PTPRZ1: variants seen among roughly 807,000 people sequenced by gnomAD.
PTPRZ1 encodes receptor-type tyrosine-protein phosphatase zeta.
Under a neutral mutation model 214.1 loss-of-function variants are expected in PTPRZ1, and 82 were observed. The ratio of observed to expected loss-of-function variants is 0.38; its 90% CI spans 0.32 to 0.46. The LOEUF (loss-of-function observed/expected upper bound fraction) is 0.46. Among genes scored for constraint, PTPRZ1 ranks in the 20% least tolerant of loss-of-function variants. The pLI, the probability that PTPRZ1 is intolerant of heterozygous loss-of-function variation, is 1.00. For synonymous variants in PTPRZ1, 945 were observed against 987.9 expected, an observed-to-expected ratio of 0.96 and a Z score of 0.81; for missense variants, 2,603 against 2,748.7, an observed-to-expected ratio of 0.95 and a Z score of 1.19.
At chr7:121,957,077 G>C (rs1432504803) in intron 2 of PTPRZ1, among the ~76,000 whole-genome samples, 4 of 152,186 alleles carry the variant, frequency 2.6e-5, no homozygotes, top group African/African-American at 7.2e-5. Context: ...GGCATTTCCA[G>C]CACCTTCAGC....
At chr7:121,947,559 T>G (rs181475067) in intron 2 of PTPRZ1, among the ~76,000 whole-genome samples, 164 of 152,316 alleles carry the variant, frequency 1.1e-3, no homozygotes, top group African/African-American at 3.7e-3. Context: ...AGTAATTCTA[T>G]ATCCAGTTTA....
At position 122,013,595 on chromosome 7, in the gene PTPRZ1, G is replaced by T. The variant is rs1798749903; in HGVS notation, c.4549G>T (p.Asp1517Tyr). The T allele has an allele frequency of 1.2e-6, 2 of 1,614,038 alleles. No homozygotes were observed. The highest frequency in any genetic ancestry group is 2.7e-5 in the African/African-American group (2 of 74,928). The change falls in exon 12 of 30, where the codon GAT becomes TAT. Residue 1517 changes from aspartate (D) to tyrosine (Y), a missense_variant. Asp to Tyr is a radical substitution (Grantham distance 160). This residue lies in a region of PTPRZ1 where 1,913 missense variants were observed against 1,914.3 expected (regional missense o/e 1.00). Transcript: ENST00000393386. ...SANGLSQKHN[D>Y]GKEENDIQTG... The stretch of plus-strand genomic sequence containing the variant: ...AAATGGGCTATCCCAAAAGCACAAT[G>T]ATGGAAAAGAGGAAAATGACATTCA...
chr7:122,013,318 T>C lies in PTPRZ1; in HGVS notation c.4272T>C (p.Asp1424=). The part of the protein sequence containing the change: ...GGGEDGDTDD[D]GDDDDDDRGS... ...GTGAAGATGGTGACACTGATGATGA[T>C]GGTGATGATGATGATGATGACAGAG... Residue 1424 remains aspartate (D), a synonymous_variant, in exon 12 of 30, where the codon GAT becomes GAC. Coordinates refer to ENST00000393386, the MANE Select transcript of PTPRZ1 (RefSeq NM_002851.3). The C allele has an allele frequency of 6.3e-7, 1 of 1,582,610 alleles. No individual in the cohort carries two copies. Among genetic ancestry groups the C allele is most frequent in the Non-Finnish European group, 8.6e-7 (1 of 1,168,662 alleles).
At position 122,061,281 on chromosome 7, in the gene PTPRZ1, A is replaced by G. The variant is rs994710798; in HGVS notation, c.*61A>G. 17 of 1,415,300 alleles carry G rather than the reference A, an allele frequency of 1.2e-5. No homozygotes were observed. In the African/African-American group the frequency reaches 2.4e-4, roughly 20 times the overall value. The allele number at this position is 1,415,300 out of a possible 1,614,324, so 87.7% of individuals were successfully genotyped here. ...TGTTTTCCTCTTCCTAAAATTAGGC[A>G]GGAAAATCAGTCTAGTTCTGTTATC... On this transcript the variant is annotated 3_prime_UTR_variant, in exon 30 of 30. Coordinates refer to ENST00000393386, the MANE Select transcript of PTPRZ1 (RefSeq NM_002851.3).
chr7:122,034,672 T>C (rs1799484484), intron 17 of PTPRZ1, among the ~76,000 whole-genome samples: 1 of 152,214 alleles, frequency 6.6e-6, no homozygotes, highest in African/African-American at 2.4e-5. Flanking sequence ...GTGGTTTTTG[T>C]CATTATTTAT....
intron 1 of PTPRZ1, chr7:121,908,409 C>T: frequency 5.4e-6 from 2 of 371,898 alleles, no homozygotes; most frequent in South Asian, 2.1e-5. Flanking sequence ...TAATTTTATC[C>T]TATTTTTTCT....
chr7:121,928,201 A>G lies in PTPRZ1; in HGVS notation c.104A>G (p.Glu35Gly), dbSNP rs777658834. The change falls in exon 2 of 30, where the codon GAG (glutamate) becomes GGG (glycine). Residue 35 changes from glutamate (E) to glycine (G), a missense_variant. Physicochemically the swap from Glu to Gly is moderately conservative, Grantham distance 98. Coordinates refer to ENST00000393386, the MANE Select transcript of PTPRZ1 (RefSeq NM_002851.3). ...YYRQQRKLVE[E>G]IGWSYTGALN... ...AGACAACAGAGAAAACTTGTTGAAG[A>G]GATTGGCTGGTCCTATACAGGTAAA... 1 of 1,612,284 alleles carries G rather than the reference A, an allele frequency of 6.2e-7. No homozygotes were observed. The highest frequency in any genetic ancestry group is 8.5e-7 in the Non-Finnish European group (1 of 1,178,650).
intron 2 of PTPRZ1, among the ~76,000 whole-genome samples, chr7:121,950,709 G>A (rs1488602818): frequency 3.9e-5 from 6 of 152,168 alleles, no homozygotes; most frequent in African/African-American, 1.4e-4. Flanking sequence ...TGTAATTCTC[G>A]TTGCATTGAT....
chr7:121,947,010 T>G (rs528046375), intron 2 of PTPRZ1, among the ~76,000 whole-genome samples: 1 of 152,276 alleles, frequency 6.6e-6, no homozygotes, highest in South Asian at 2.1e-4. Flanking sequence ...AATGGAAACT[T>G]ATTCCCTAAA....
At chr7:121,990,068 A>C (rs982956330) in intron 8 of PTPRZ1, among the ~76,000 whole-genome samples, 2 of 152,098 alleles carry the variant, frequency 1.3e-5, no homozygotes, top group African/African-American at 4.8e-5. Flanking sequence ...ACTGTATATT[A>C]AACCTTAACC....
At chr7:121,964,809 CT>C (rs1796994976) in intron 2 of PTPRZ1, among the ~76,000 whole-genome samples, 1 of 152,158 alleles carries the variant, frequency 6.6e-6, no homozygotes, top group South Asian at 2.1e-4. Flanking sequence ...TCATTTGAGC[CT>C]TACAGACATC....
At chr7:122,003,175 TTC>T (rs1798379324) in intron 10 of PTPRZ1, among the ~76,000 whole-genome samples, 1 of 152,136 alleles carries the variant, frequency 6.6e-6, no homozygotes, top group Admixed American at 6.5e-5. Context: ...AGGAAAGGAT[TTC>T]ATAGGAAGAG....
At chr7:122,019,953 A>G (rs1798966476) in intron 13 of PTPRZ1, among the ~76,000 whole-genome samples, 1 of 152,200 alleles carries the variant, frequency 6.6e-6, no homozygotes, top group South Asian at 2.1e-4. Context: ...GGTCAGTATA[A>G]CTGTGTCTGT....
intron 2 of PTPRZ1, among the ~76,000 whole-genome samples, chr7:121,936,416 T>C (rs1310685103): frequency 1.3e-5 from 2 of 152,212 alleles, no homozygotes; most frequent in African/African-American, 4.8e-5. Flanking sequence ...ATGTGACAAC[T>C]AAAGAATAAA....
At chr7:122,007,189 T>C (rs1798518682) in intron 11 of PTPRZ1, among the ~76,000 whole-genome samples, 1 of 152,126 alleles carries the variant, frequency 6.6e-6, no homozygotes, top group African/African-American at 2.4e-5. Flanking sequence ...TAGAAGGCTA[T>C]GATCTAGAGG....
intron 8 of PTPRZ1, among the ~76,000 whole-genome samples, chr7:121,987,783 T>G (rs551032472): frequency 1.2e-3 from 182 of 152,308 alleles, no homozygotes; most frequent in Non-Finnish European, 2.1e-3. Context: ...TCAACCCATG[T>G]GCTCAGTGGT....
At chr7:121,967,800 C>T (rs1168598922) in intron 2 of PTPRZ1, 151 bp from the exon 3 acceptor site, 10 of 552,634 alleles carry the variant, frequency 1.8e-5, no homozygotes, top group Admixed American at 4.0e-5. Flanking sequence ...AATCTAAATA[C>T]AGGCATAATT....
At chr7:121,904,633 A>T (rs146037686) in intron 1 of PTPRZ1, among the ~76,000 whole-genome samples, 67 of 152,330 alleles carry the variant, frequency 4.4e-4, no homozygotes, top group African/African-American at 1.5e-3. Flanking sequence ...TTATTTATAA[A>T]AATGTTATGG....
chr7:122,036,207 C>T (rs549070028), intron 17 of PTPRZ1, among the ~76,000 whole-genome samples: 1 of 152,262 alleles, frequency 6.6e-6, no homozygotes, highest in African/African-American at 2.4e-5. Flanking sequence ...TTTATCTCTT[C>T]GAGAAGCTCT....
Sources: gnomAD v4.1 joint callset for allele counts (sites outside exome capture counted in the v4.1 genomes callset) on GRCh38, gnomAD v4.1.1 for gene constraint, gnomAD v4.1.1 regional missense constraint, MANE v1.5 for transcripts, NCBI Gene and HGNC (gene_info 2026-07-23, HGNC 2026-07-21) for gene names.